The following EEIG1 variants were observed in gnomAD, a reference collection of about 807,000 sequenced individuals.
EEIG1 encodes the protein estrogen-induced osteoclastogenesis regulator 1.
chr9:127,957,558 C>T, the EEIG1 span, among the ~76,000 whole-genome samples: 2,172 of 152,330 alleles, frequency 0.014, 53 homozygotes, highest in African/African-American at 0.049. Context: ...ATCACAATCC[C>T]TATCAAAGCC....
the EEIG1 span, among the ~76,000 whole-genome samples, chr9:127,949,508 C>G: frequency 6.6e-6 from 1 of 152,124 alleles, no homozygotes; most frequent in African/African-American, 2.4e-5. Context: ...CTACCTGGCC[C>G]CCAGGCTCCC....
At chr9:127,967,888 A>T in the EEIG1 span, among the ~76,000 whole-genome samples, 1 of 151,366 alleles carries the variant, frequency 6.6e-6, no homozygotes, top group Non-Finnish European at 1.5e-5. Context: ...TTCCCCTCTG[A>T]GGCAGATGGT....
At chr9:127,971,427 C>T in the EEIG1 span, among the ~76,000 whole-genome samples, 117,203 of 151,720 alleles carry the variant, frequency 0.77, 46,626 homozygotes, top group Non-Finnish European at 0.87. Context: ...ACCATTGATG[C>T]CCCCAGCTGC....
At chr9:127,949,145 C>A in the EEIG1 span, among the ~76,000 whole-genome samples, 1 of 151,966 alleles carries the variant, frequency 6.6e-6, no homozygotes, top group Non-Finnish European at 1.5e-5. Flanking sequence ...GAAACCCCAT[C>A]TCTACTAAAA....
the EEIG1 span, among the ~76,000 whole-genome samples, chr9:127,969,922 G>A: frequency 1.3e-5 from 2 of 152,050 alleles, no homozygotes; most frequent in African/African-American, 2.4e-5. Flanking sequence ...GGGGCATCTC[G>A]AGTCTTGTTT....
the EEIG1 span, among the ~76,000 whole-genome samples, chr9:127,955,215 GGA>G: frequency 6.6e-6 from 1 of 152,212 alleles, no homozygotes; most frequent in Non-Finnish European, 1.5e-5. Context: ...GCAGAGGGTC[GGA>G]GAGGGCCGCA....
At chr9:127,956,372 G>GA in the EEIG1 span, among the ~76,000 whole-genome samples, 1 of 152,142 alleles carries the variant, frequency 6.6e-6, no homozygotes, top group Non-Finnish European at 1.5e-5. Flanking sequence ...CTTTTATACA[G>GA]AAAACACTTA....
At chr9:127,953,940 C>T in the EEIG1 span, 15 of 1,613,106 alleles carry the variant, frequency 9.3e-6, no homozygotes, top group Admixed American at 1.7e-5. Context: ...GGGCCAGAGG[C>T]GACAGGTGAG....
At chr9:127,949,923 G>A in the EEIG1 span, among the ~76,000 whole-genome samples, 1 of 152,228 alleles carries the variant, frequency 6.6e-6, no homozygotes, top group African/African-American at 2.4e-5. Context: ...CATTTTCACT[G>A]ATAATCCACT....
At chr9:127,952,540 G>A in the EEIG1 span, among the ~76,000 whole-genome samples, 2 of 152,180 alleles carry the variant, frequency 1.3e-5, no homozygotes, top group African/African-American at 2.4e-5. Flanking sequence ...ACTGTCTGTG[G>A]GTACAGTGAA....
the EEIG1 span, chr9:127,953,933 C>T: frequency 1.2e-6 from 2 of 1,613,460 alleles, no homozygotes; most frequent in East Asian, 2.2e-5. Flanking sequence ...TCCCTGTGGG[C>T]CAGAGGCGAC....
chr9:127,968,615 G>A, the EEIG1 span, among the ~76,000 whole-genome samples: 3 of 152,188 alleles, frequency 2.0e-5, no homozygotes, highest in Non-Finnish European at 4.4e-5. Context: ...ATTCTCTGCA[G>A]AGTGTAAGGG....
At chr9:127,971,623 G>A in the EEIG1 span, among the ~76,000 whole-genome samples, 1 of 152,186 alleles carries the variant, frequency 6.6e-6, no homozygotes, top group Non-Finnish European at 1.5e-5. Context: ...CAGAGCCAGG[G>A]GAGAAAAGCC....
the EEIG1 span, chr9:127,980,160 G>T: frequency 6.2e-7 from 1 of 1,604,066 alleles, no homozygotes; most frequent in Admixed American, 1.7e-5. Flanking sequence ...TGAGTCTGAA[G>T]CCCCGAAGGC....
At chr9:127,945,690 G>A in the EEIG1 span, 1 of 1,593,062 alleles carries the variant, frequency 6.3e-7, no homozygotes, top group Non-Finnish European at 8.5e-7. The surrounding 1 kb of genome is among the most constrained non-coding windows in gnomAD (Gnocchi z 6.5). Flanking sequence ...GGAGTTGCGG[G>A]AGTGGCCAGA....
chr9:127,940,632 C>T, the EEIG1 span: 9 of 152,304 alleles, frequency 5.9e-5, no homozygotes, highest in East Asian at 1.7e-3. Flanking sequence ...AAGACGCTGA[C>T]ACTAGCCTGA....
the EEIG1 span, among the ~76,000 whole-genome samples, chr9:127,962,845 A>G: frequency 2.0e-5 from 3 of 152,198 alleles, no homozygotes; most frequent in African/African-American, 7.2e-5. Context: ...CCTGGGCAAC[A>G]TAACAAGACC....
At chr9:127,967,678 T>G in the EEIG1 span, among the ~76,000 whole-genome samples, 1 of 152,208 alleles carries the variant, frequency 6.6e-6, no homozygotes, top group African/African-American at 2.4e-5. Flanking sequence ...CCAGCAGGCC[T>G]GCCCACAAGG....
At chr9:127,979,622 G>A in the EEIG1 span, among the ~76,000 whole-genome samples, 1 of 152,200 alleles carries the variant, frequency 6.6e-6, no homozygotes, top group South Asian at 2.1e-4. Context: ...CTGGACTCTT[G>A]AATCATATGA....
Sources: gnomAD v4.1 joint callset for allele counts (sites outside exome capture counted in the v4.1 genomes callset) on GRCh38, gnomAD v4.1.1 for gene constraint, Gnocchi (gnomAD v3.1) non-coding constraint, MANE v1.5 for transcripts, NCBI Gene and HGNC (gene_info 2026-07-23, HGNC 2026-07-21) for gene names.